The following THEMIS variants were observed in gnomAD, a reference collection of about 807,000 sequenced individuals.
THEMIS encodes thymocyte selection associated, also known as protein THEMIS.
THEMIS carries 37 observed loss-of-function variants against 52.6 expected under a neutral mutation model. That is an observed-to-expected ratio of 0.70 (90% CI 0.54 to 0.93). The LOEUF (loss-of-function observed/expected upper bound fraction) is 0.93. Ranked by LOEUF, THEMIS falls within the 40% of genes least tolerant of loss-of-function variation. THEMIS has a pLI of 0.00. For synonymous variants in THEMIS, 292 were observed against 272.7 expected (o/e 1.07, Z -0.70); for missense variants, 808 against 763.1 (o/e 1.06, Z -0.69).
chr6:127,697,681 C>T, the THEMIS span, among the ~76,000 whole-genome samples: 1 of 152,142 alleles, frequency 6.6e-6, no homozygotes, highest in Non-Finnish European at 1.5e-5. Flanking sequence ...TTGTTAATCT[C>T]AATGCCTTGG....
chr6:127,772,754 TC>T (rs1776431120), intron 4 of THEMIS, among the ~76,000 whole-genome samples: 1 of 152,088 alleles, frequency 6.6e-6, no homozygotes, highest in Non-Finnish European at 1.5e-5. Context: ...ATCTCTCAAA[TC>T]CGATATTATT....
intron 1 of THEMIS, among the ~76,000 whole-genome samples, chr6:127,893,621 A>G (rs1458106197): frequency 6.6e-6 from 1 of 152,140 alleles, no homozygotes; most frequent in African/African-American, 2.4e-5. Flanking sequence ...CTTGAGCAAC[A>G]TGTTCTTGTG....
intron 4 of THEMIS, among the ~76,000 whole-genome samples, chr6:127,742,956 T>A (rs554062683): frequency 7.2e-5 from 11 of 152,174 alleles, no homozygotes; most frequent in African/African-American, 2.6e-4. Context: ...TTACCATGAA[T>A]AAAAAAGAAT....
intron 4 of THEMIS, among the ~76,000 whole-genome samples, chr6:127,797,869 T>C (rs186355556): frequency 6.6e-6 from 1 of 152,356 alleles, no homozygotes; most frequent in East Asian, 1.9e-4. Flanking sequence ...GCATCAATTA[T>C]AGGACCTTCA....
chr6:127,739,917 A>G (rs1199201617), intron 4 of THEMIS, among the ~76,000 whole-genome samples: 1 of 152,210 alleles, frequency 6.6e-6, no homozygotes, highest in Non-Finnish European at 1.5e-5. Context: ...TGCAGGGCTG[A>G]CATTCGCTGG....
chr6:127,714,502 C>T (rs1396390302), intron 5 of THEMIS, among the ~76,000 whole-genome samples: 1 of 151,826 alleles, frequency 6.6e-6, no homozygotes, highest in Non-Finnish European at 1.5e-5. Flanking sequence ...ATATTTTACC[C>T]ATAGGCCATG....
intron 5 of THEMIS, among the ~76,000 whole-genome samples, chr6:127,714,699 C>T (rs2114466582): frequency 6.6e-6 from 1 of 152,046 alleles, no homozygotes; most frequent in East Asian, 1.9e-4. Flanking sequence ...AGTCTTGGGT[C>T]TGTCTCATTG....
intron 4 of THEMIS, among the ~76,000 whole-genome samples, chr6:127,795,241 G>A (rs76780632): frequency 1.3e-5 from 2 of 152,128 alleles, no homozygotes; most frequent in East Asian, 3.9e-4. Flanking sequence ...TGCCAAGATC[G>A]GAAAACCAAG....
Position 127,719,742 on chromosome 6 carries a change from C to G in THEMIS, c.1840G>C (p.Asp614His). 1 of 1,612,448 alleles carries G rather than the reference C, an allele frequency of 6.2e-7. No individual in the cohort carries two copies. Among genetic ancestry groups the G allele is most frequent in the Non-Finnish European group, 8.5e-7 (1 of 1,179,008 alleles). Residue 614 changes from aspartate to histidine, a missense_variant, in exon 5 of 6, where the codon GAT becomes CAT. Asp to His is a moderately conservative substitution (Grantham distance 81). Coordinates refer to ENST00000368248, the MANE Select transcript of THEMIS (RefSeq NM_001010923.3). ...DSKVLIGSQN[D>H]LVDEEKERSN... Reference sequence around the variant, plus strand: ...CTTTCTTTCTCTTCATCCACCAAATCATTCTGACTACCAATCAGTACTTTT... The same window carrying G: ...CTTTCTTTCTCTTCATCCACCAAATGATTCTGACTACCAATCAGTACTTTT...
chr6:127,889,411 T>G (rs1401979174), intron 1 of THEMIS, among the ~76,000 whole-genome samples: 3 of 152,106 alleles, frequency 2.0e-5, no homozygotes, highest in African/African-American at 7.2e-5. Flanking sequence ...ATAGCACAAG[T>G]CAATTTATCT....
chr6:127,887,946 CAGAGGA>C (rs1780695104), intron 1 of THEMIS, among the ~76,000 whole-genome samples: 2 of 151,898 alleles, frequency 1.3e-5, no homozygotes, highest in African/African-American at 4.8e-5. Context: ...TGCTTCAGTA[CAGAGGA>C]AAATGAAGAC....
intron 1 of THEMIS, among the ~76,000 whole-genome samples, chr6:127,899,846 A>T (rs528162953): frequency 2.0e-5 from 3 of 149,956 alleles, no homozygotes; most frequent in Non-Finnish European, 4.4e-5. Context: ...AAAACTGTAC[A>T]CTAAGCTGAT....
chr6:127,799,902 A>G (rs1035290102), intron 4 of THEMIS, among the ~76,000 whole-genome samples: 22 of 152,216 alleles, frequency 1.4e-4, no homozygotes. Context: ...TTGACAAGTT[A>G]TAAGTGACCA....
intron 1 of THEMIS, among the ~76,000 whole-genome samples, chr6:127,868,089 T>G (rs1004827233): frequency 6.6e-6 from 1 of 152,172 alleles, no homozygotes; most frequent in East Asian, 1.9e-4. Flanking sequence ...AAAATAAAGA[T>G]AGTGCCTCAA....
chr6:127,821,917 G>C (rs1483470657), intron 3 of THEMIS, among the ~76,000 whole-genome samples: 1 of 151,944 alleles, frequency 6.6e-6, no homozygotes, highest in Non-Finnish European at 1.5e-5. Flanking sequence ...TCTTATTCAA[G>C]ACTTGAGGAC....
At chr6:127,804,180 C>A (rs1327549999) in intron 4 of THEMIS, among the ~76,000 whole-genome samples, 1 of 151,514 alleles carries the variant, frequency 6.6e-6, no homozygotes, top group Admixed American at 6.6e-5. Context: ...AGAAGAGCTA[C>A]CAAAAAAGAT....
intron 2 of THEMIS, among the ~76,000 whole-genome samples, chr6:127,846,413 A>G (rs1320948290): frequency 6.6e-6 from 1 of 151,956 alleles, no homozygotes; most frequent in Non-Finnish European, 1.5e-5. Context: ...AGAAAAAAAG[A>G]GAGAAGATTT....
chr6:127,791,964 T>A (rs1777172330), intron 4 of THEMIS, among the ~76,000 whole-genome samples: 1 of 152,246 alleles, frequency 6.6e-6, no homozygotes, highest in South Asian at 2.1e-4. Context: ...GGCAAGGGTG[T>A]TTCCTGGGGC....
chr6:127,828,690 C>T (rs754181943), intron 3 of THEMIS, among the ~76,000 whole-genome samples: 2 of 152,178 alleles, frequency 1.3e-5, no homozygotes, highest in African/African-American at 2.4e-5. Flanking sequence ...CGCGATGGCT[C>T]ACACCTGTAA....
Sources: allele counts gnomAD v4.1 joint callset (sites outside exome capture counted in the v4.1 genomes callset), GRCh38; gene constraint gnomAD v4.1.1; transcripts MANE v1.5; gene names NCBI Gene and HGNC (gene_info 2026-07-23, HGNC 2026-07-21).